WIPF1: variants seen among roughly 807,000 people sequenced by gnomAD.
WIPF1 encodes the protein WAS/WASL interacting protein family member 1.
In WIPF1, 13 loss-of-function variants were observed where a neutral mutation model predicts 35.4. The observed-to-expected ratio is 0.37, with a 90% CI of 0.24 to 0.58. WIPF1 has a LOEUF of 0.58. WIPF1 is among the 20% of genes least tolerant of loss of function. The probability of loss-of-function intolerance (pLI) is 0.74; values close to 1 mark genes in which losing one functional copy is unlikely to be tolerated. For synonymous variants in WIPF1, 267 were observed against 266.3 expected, an observed-to-expected ratio of 1.00 and a Z score of -0.02; for missense variants, 591 against 667.0, an observed-to-expected ratio of 0.89 and a Z score of 1.25.
At chr2:174,616,502 C>T (rs929674327) in intron 1 of WIPF1, among the ~76,000 whole-genome samples, 3 of 152,104 alleles carry the variant, frequency 2.0e-5, no homozygotes, top group African/African-American at 4.8e-5. Flanking sequence ...CCTTTCCAGT[C>T]TTCCTTCCAC....
At position 174,560,828 on chromosome 2, in the gene WIPF1, A is replaced by G. The variant is rs974923017; in HGVS notation, c.*1719T>C. The G allele has an allele frequency of 6.5e-6, 1 of 152,742 alleles. No homozygotes were observed. Among genetic ancestry groups the G allele is most frequent in the Non-Finnish European group, 1.5e-5 (1 of 68,030 alleles). The allele number at this position is 152,742 out of a possible 1,614,324, so 9.5% of individuals were successfully genotyped here. On this transcript the variant is annotated 3_prime_UTR_variant, in exon 8 of 8. Coordinates refer to ENST00000679041, the MANE Select transcript of WIPF1 (RefSeq NM_001375834.1). ...TAGAACTCTAAGTTCTTTTGCTTTT[A>G]TATAAATGAAACATTTATTCTATAA...
chr2:174,614,307 C>A (rs1360665117), intron 1 of WIPF1, among the ~76,000 whole-genome samples: 1 of 152,206 alleles, frequency 6.6e-6, no homozygotes, highest in Non-Finnish European at 1.5e-5. Flanking sequence ...CTCTTCATTT[C>A]ACTAAGAAAA....
intron 1 of WIPF1, among the ~76,000 whole-genome samples, chr2:174,651,954 C>T (rs771732726): frequency 2.0e-5 from 3 of 152,176 alleles, no homozygotes; most frequent in Non-Finnish European, 4.4e-5. Flanking sequence ...ATGCCTGGTA[C>T]AAGGCTAGGA....
intron 1 of WIPF1, chr2:174,634,734 G>C (rs1177545975): frequency 6.6e-6 from 1 of 152,252 alleles, no homozygotes; most frequent in Non-Finnish European, 1.5e-5. Context: ...GTCTCCCCCA[G>C]CTTCTTTCAG....
Position 174,562,398 on chromosome 2 carries a change from C to A in WIPF1, c.*149G>T. ...GCTAGGTGCATTTCTTACCGATTCC[C>A]ACCCACACACGCATATTCCCACTCC... On this transcript the variant is annotated 3_prime_UTR_variant, in exon 8 of 8. Coordinates refer to ENST00000679041, the MANE Select transcript of WIPF1 (RefSeq NM_001375834.1). The A allele has an allele frequency of 6.6e-7, 1 of 1,505,394 alleles. No homozygotes were observed. The highest frequency in any genetic ancestry group is 8.9e-7 in the Non-Finnish European group (1 of 1,125,110). 93.3% of individuals were successfully genotyped at this position (1,505,394 alleles called of 1,614,324 possible).
intron 1 of WIPF1, among the ~76,000 whole-genome samples, chr2:174,668,247 T>C (rs1162890584): frequency 2.6e-5 from 4 of 152,208 alleles, no homozygotes; most frequent in African/African-American, 7.2e-5. Flanking sequence ...CCTGCGTTCT[T>C]ATCTCATCTC....
intron 1 of WIPF1, among the ~76,000 whole-genome samples, chr2:174,669,452 G>A (rs1574870265): frequency 6.6e-6 from 1 of 152,246 alleles, no homozygotes; most frequent in South Asian, 2.1e-4. Flanking sequence ...CATTCAGCTG[G>A]TATTTATTAG....
At chr2:174,652,204 C>T (rs1687546498) in intron 1 of WIPF1, among the ~76,000 whole-genome samples, 1 of 152,208 alleles carries the variant, frequency 6.6e-6, no homozygotes, top group Non-Finnish European at 1.5e-5. Flanking sequence ...AGGGGAAGGA[C>T]CACAGGCCCA....
At chr2:174,598,219 C>G (rs1425876599), upstream of WIPF1, 1 of 152,206 alleles carries the variant, frequency 6.6e-6, no homozygotes, top group African/African-American at 2.4e-5. Flanking sequence ...ATTTACAGGG[C>G]ATTCAAGTGT....
chr2:174,678,651 G>A (rs1398233962), intron 1 of WIPF1, among the ~76,000 whole-genome samples: 1 of 152,244 alleles, frequency 6.6e-6, no homozygotes, highest in Non-Finnish European at 1.5e-5. Flanking sequence ...CACTGATGAT[G>A]GCCACTGTGT....
At chr2:174,659,712 C>T (rs1030333547) in intron 1 of WIPF1, among the ~76,000 whole-genome samples, 1 of 152,170 alleles carries the variant, frequency 6.6e-6, no homozygotes, top group Non-Finnish European at 1.5e-5. Context: ...AGAACTCAGT[C>T]GTTCATTGAG....
At chr2:174,645,745 T>C (rs1687394601) in intron 1 of WIPF1, among the ~76,000 whole-genome samples, 1 of 152,246 alleles carries the variant, frequency 6.6e-6, no homozygotes, top group Admixed American at 6.5e-5. Flanking sequence ...GCTAGAGCCC[T>C]ACCTAGTGGG....
rs1355048009 is a variant in WIPF1 at position 174,577,480 on chromosome 2, T to C, written c.182-2100A>G. 3.9e-5 allele frequency among the ~76,000 whole-genome samples: 6 copies of C among 152,346 alleles called. No individual in the cohort carries two copies. In the East Asian group the frequency reaches 1.2e-3, roughly 29 times the overall value. ...AATTATTGGTTTGAAATAGGTTTTT[T>C]CCCTTTCTAAATATTCAGTCTGTGG... On this transcript the variant is annotated intron_variant, in intron 3 of 7. Transcript: ENST00000679041.
chr2:174,595,109 A>AAAAATATATAT (rs1553529785), intron 1 of WIPF1, among the ~76,000 whole-genome samples: 2 of 57,750 alleles, frequency 3.5e-5, no homozygotes, highest in African/African-American at 9.0e-5. Context: ...AAAAAAAAAA[A>AAAAATATATAT]ATATATATAT....
intron 1 of WIPF1, chr2:174,673,121 G>C (rs1393353785): frequency 6.6e-6 from 1 of 152,164 alleles, no homozygotes; most frequent in African/African-American, 2.4e-5. Flanking sequence ...TGCCGCAAGA[G>C]AAAAGGTGCC....
At chr2:174,645,623 G>A (rs1687391765) in intron 1 of WIPF1, among the ~76,000 whole-genome samples, 1 of 152,212 alleles carries the variant, frequency 6.6e-6, no homozygotes, top group African/African-American at 2.4e-5. Context: ...AAAGGAAGTT[G>A]AAAGGTCAAG....
intron 3 of WIPF1, among the ~76,000 whole-genome samples, chr2:174,577,259 C>A (rs1432676551): frequency 6.6e-6 from 1 of 152,082 alleles, no homozygotes; most frequent in Non-Finnish European, 1.5e-5. Flanking sequence ...CTTGCATTTT[C>A]TAGTATGCAC....
At chr2:174,598,941 G>T (rs1308529456), upstream of WIPF1, among the ~76,000 whole-genome samples, 1 of 152,120 alleles carries the variant, frequency 6.6e-6, no homozygotes, top group Non-Finnish European at 1.5e-5. Flanking sequence ...CATCTTAAAG[G>T]TTCAGACTTA....
At chr2:174,573,234 C>T (rs1350933484) in intron 4 of WIPF1, among the ~76,000 whole-genome samples, 3 of 148,490 alleles carry the variant, frequency 2.0e-5, no homozygotes, top group African/African-American at 7.4e-5. Flanking sequence ...AATTTCAAAC[C>T]ACCATCCCAG....
Sources: gnomAD v4.1 joint callset for allele counts (sites outside exome capture counted in the v4.1 genomes callset) on GRCh38, gnomAD v4.1.1 for gene constraint, MANE v1.5 for transcripts, NCBI Gene and HGNC (gene_info 2026-07-23, HGNC 2026-07-21) for gene names.